Variants in ELAPOR2 observed in about 807,000 individuals in gnomAD.
ELAPOR2 encodes endosome/lysosome-associated apoptosis and autophagy regulator family member 2.
In ELAPOR2, 89 loss-of-function variants were observed where a neutral mutation model predicts 120.7. The ratio of observed to expected loss-of-function variants is 0.74; its 90% CI spans 0.62 to 0.88. The LOEUF is 0.88. ELAPOR2 is among the 40% of genes least tolerant of loss of function. ELAPOR2 has a pLI of 0.00. For missense variants in ELAPOR2, 1,134 were observed against 1,251.6 expected (o/e 0.91, Z 1.42); for synonymous variants, 444 against 444.9 (o/e 1.00, Z 0.03).
intron 1 of ELAPOR2, among the ~76,000 whole-genome samples, chr7:86,965,297 C>T (rs995686385): frequency 2.6e-5 from 4 of 152,164 alleles, no homozygotes; most frequent in Admixed American, 2.6e-4. Flanking sequence ...AAAGCTACAG[C>T]ACACTTCCCT....
chr7:86,912,811 G>T, intron 14 of ELAPOR2, 130 bp downstream of exon 14: 1 of 1,055,856 alleles, frequency 9.5e-7, no homozygotes, highest in Admixed American at 2.6e-5. Context: ...AAACAGAAAT[G>T]GTAAGTAGAA....
intron 12 of ELAPOR2, among the ~76,000 whole-genome samples, chr7:86,917,981 A>C (rs149253582): frequency 7.9e-5 from 12 of 152,250 alleles, no homozygotes; most frequent in African/African-American, 2.4e-4. Flanking sequence ...AATGGGCAAA[A>C]TTATGACATG....
chr7:86,885,166 A>G (rs768197495), intron 21 of ELAPOR2, among the ~76,000 whole-genome samples: 2 of 152,198 alleles, frequency 1.3e-5, no homozygotes, highest in Non-Finnish European at 2.9e-5. Flanking sequence ...AACATTATTA[A>G]CAATAGCAAG....
At chr7:87,056,593 T>C (rs1562989672) in intron 1 of ELAPOR2, among the ~76,000 whole-genome samples, 1 of 152,360 alleles carries the variant, frequency 6.6e-6, no homozygotes, top group Admixed American at 6.5e-5. Flanking sequence ...ACAATAACTT[T>C]TCTCCCCCTT....
chr7:86,989,671 C>T (rs1283924007), intron 1 of ELAPOR2, among the ~76,000 whole-genome samples: 3 of 152,160 alleles, frequency 2.0e-5, no homozygotes, highest in Non-Finnish European at 2.9e-5. Context: ...TTGTTGTCTG[C>T]GGCTGCGTCT....
intron 7 of ELAPOR2, 136 bp from the exon 8 acceptor site, chr7:86,938,350 G>A (rs1047703991): frequency 1.6e-6 from 1 of 614,584 alleles, no homozygotes; most frequent in Non-Finnish European, 2.9e-6. Context: ...AACTACCTAG[G>A]TCTAAAGAAA....
At chr7:87,013,156 G>T (rs1793748968) in intron 1 of ELAPOR2, among the ~76,000 whole-genome samples, 1 of 151,814 alleles carries the variant, frequency 6.6e-6, no homozygotes, top group Admixed American at 6.6e-5. Context: ...GGCCAAGAAG[G>T]GTCTACTTTA....
intron 1 of ELAPOR2, among the ~76,000 whole-genome samples, chr7:87,004,044 A>G (rs1400632920): frequency 6.6e-6 from 1 of 152,168 alleles, no homozygotes; most frequent in East Asian, 1.9e-4. Flanking sequence ...TAAAAAGTCA[A>G]GTGTGAGGTA....
intron 8 of ELAPOR2, among the ~76,000 whole-genome samples, chr7:86,935,920 C>G (rs894378879): frequency 1.3e-5 from 2 of 151,900 alleles, no homozygotes; most frequent in African/African-American, 2.4e-5. Flanking sequence ...AAAACTTCCC[C>G]CACAGGCAGA....
At chr7:86,886,821 C>A (rs571925362) in intron 21 of ELAPOR2, among the ~76,000 whole-genome samples, 1 of 152,098 alleles carries the variant, frequency 6.6e-6, no homozygotes, top group East Asian at 1.9e-4. Flanking sequence ...CTCAATAGGA[C>A]CCTCGATTTA....
intron 8 of ELAPOR2, among the ~76,000 whole-genome samples, chr7:86,937,220 G>A (rs1016503263): frequency 6.6e-6 from 1 of 151,918 alleles, no homozygotes; most frequent in Non-Finnish European, 1.5e-5. Flanking sequence ...AAACTAGAAT[G>A]TACTTGCTCT....
At chr7:86,894,958 T>G (rs747508100) in intron 19 of ELAPOR2, among the ~76,000 whole-genome samples, 1 of 152,074 alleles carries the variant, frequency 6.6e-6, no homozygotes. Flanking sequence ...CGGCTCTTTT[T>G]GTTTATATCA....
chr7:86,908,183 ACAC>A (rs1789124655), intron 17 of ELAPOR2, among the ~76,000 whole-genome samples: 1 of 147,446 alleles, frequency 6.8e-6, no homozygotes, highest in African/African-American at 2.6e-5. Context: ...ACACACACAC[ACAC>A]GAGAAATTAT....
At chr7:87,017,339 C>T (rs1583997521) in intron 1 of ELAPOR2, among the ~76,000 whole-genome samples, 2 of 152,136 alleles carry the variant, frequency 1.3e-5, no homozygotes, top group Non-Finnish European at 2.9e-5. Flanking sequence ...AAATGATCAA[C>T]GATGGGGAAC....
intron 10 of ELAPOR2, among the ~76,000 whole-genome samples, chr7:86,924,410 T>A (rs1217611502): frequency 8.0e-6 from 1 of 125,758 alleles, no homozygotes. Context: ...CACACACAAA[T>A]GTATTAGTCC....
At chr7:86,930,467 T>C (rs1790278822) in intron 8 of ELAPOR2, among the ~76,000 whole-genome samples, 1 of 152,004 alleles carries the variant, frequency 6.6e-6, no homozygotes, top group African/African-American at 2.4e-5. Flanking sequence ...ACCCTATTTT[T>C]AATATCCTCT....
chr7:87,019,396 T>C (rs1793971228), intron 1 of ELAPOR2, among the ~76,000 whole-genome samples: 1 of 152,120 alleles, frequency 6.6e-6, no homozygotes, highest in Non-Finnish European at 1.5e-5. Flanking sequence ...ACTCCTGGGC[T>C]CAAGCGGTCT....
In ELAPOR2 at chr7:86,880,365, T is replaced by G; in HGVS notation, c.*106A>C. ...TTTTCAGCGGCATGGCCCTCCTCTG[T>G]GAGATCACCAATGTGACAGGTATGA... is the stretch of plus-strand genomic sequence containing the variant. On this transcript the variant is annotated 3_prime_UTR_variant, in exon 22 of 22. Transcript: ENST00000450689. 4.7e-4 allele frequency: 375 copies of G among 802,590 alleles called. No homozygotes were observed. The highest frequency in any genetic ancestry group is 6.3e-4 in the Non-Finnish European group (295 of 468,684). The allele number at this position is 802,590 out of a possible 1,614,324, so 49.7% of individuals were successfully genotyped here.
At chr7:87,041,664 A>T (rs1345049368) in intron 1 of ELAPOR2, among the ~76,000 whole-genome samples, 1 of 152,132 alleles carries the variant, frequency 6.6e-6, no homozygotes. Context: ...ATCATGCCAA[A>T]ATGTAAAGAC....
Sources: allele counts gnomAD v4.1 joint callset (sites outside exome capture counted in the v4.1 genomes callset), GRCh38; gene constraint gnomAD v4.1.1; transcripts MANE v1.5; gene names NCBI Gene and HGNC (gene_info 2026-07-23, HGNC 2026-07-21).